The following XIRP2 variants were observed in gnomAD, a reference collection of about 807,000 sequenced individuals.
The protein encoded by XIRP2 is xin actin-binding repeat-containing protein 2.
A neutral mutation model predicts 277.0 loss-of-function variants in XIRP2; 236 were observed. The ratio of observed to expected loss-of-function variants is 0.85; its 90% confidence interval spans 0.77 to 0.95. The LOEUF (loss-of-function observed/expected upper bound fraction) is 0.95. Among genes scored for constraint, XIRP2 ranks in the 40% least tolerant of loss-of-function variants. The pLI is 0.00. For missense variants in XIRP2, 4,640 were observed against 4,157.5 expected, an observed-to-expected ratio of 1.12 and a Z score of -3.19; for synonymous variants, 1,490 against 1,416.5, an observed-to-expected ratio of 1.05 and a Z score of -1.17.
At chr2:167,205,114 G>T (rs1693819326) in intron 3 of XIRP2, among the ~76,000 whole-genome samples, 1 of 151,986 alleles carries the variant, frequency 6.6e-6, no homozygotes, top group Non-Finnish European at 1.5e-5. Context: ...CTATTTTCAG[G>T]ATGCCTTTCC....
chr2:166,910,891 G>C (rs186130826), intron 2 of XIRP2, among the ~76,000 whole-genome samples: 1 of 151,958 alleles, frequency 6.6e-6, no homozygotes, highest in East Asian at 1.9e-4. Context: ...ATTCAGGAGC[G>C]GGTTGTTCAG....
chr2:166,909,308 G>C (rs1261067789), intron 2 of XIRP2, among the ~76,000 whole-genome samples: 1 of 152,148 alleles, frequency 6.6e-6, no homozygotes, highest in Non-Finnish European at 1.5e-5. Flanking sequence ...GTGATTTGTA[G>C]TTCTCCTTGA....
chr2:167,044,483 G>T (rs1036508706), intron 2 of XIRP2, among the ~76,000 whole-genome samples: 3 of 152,020 alleles, frequency 2.0e-5, no homozygotes, highest in African/African-American at 4.8e-5. Context: ...CAGTCAAACT[G>T]TCTCTCATCA....
chr2:167,242,976 A>G lies in XIRP2; in HGVS notation c.1584A>G (p.Gln528=). The part of the protein sequence containing the change: ...ISEVSEIVSS[Q]MNSGSSVSAD... ...AAGTTTCTGAGATTGTTTCTAGTCA[A>G]ATGAACTCAGGGAGTTCAGTCTCAG... The change falls in exon 9 of 11, where the codon CAA becomes CAG. Residue 528 remains glutamine, a synonymous_variant. Coordinates refer to ENST00000409195, the MANE Select transcript of XIRP2 (RefSeq NM_152381.6). The G allele has an allele frequency of 6.2e-7, 1 of 1,614,006 alleles. No homozygotes were observed. The highest frequency in any genetic ancestry group is 1.7e-5 in the Admixed American group (1 of 59,998).
chr2:167,129,610 C>A (rs1445180289), intron 2 of XIRP2, among the ~76,000 whole-genome samples: 1 of 151,952 alleles, frequency 6.6e-6, no homozygotes, highest in Non-Finnish European at 1.5e-5. Flanking sequence ...GAAAAATTAT[C>A]CTGTAATCCC....
intron 2 of XIRP2, among the ~76,000 whole-genome samples, chr2:167,092,441 C>A (rs912542808): frequency 6.6e-6 from 1 of 152,106 alleles, no homozygotes; most frequent in Admixed American, 6.6e-5. Context: ...AATAGCAACA[C>A]TGCAAACAAA....
At chr2:166,914,852 G>T (rs1348221631) in intron 2 of XIRP2, among the ~76,000 whole-genome samples, 1 of 152,028 alleles carries the variant, frequency 6.6e-6, no homozygotes, top group Non-Finnish European at 1.5e-5. Context: ...GTAGTTAGTA[G>T]TATGAATGCA....
At chr2:167,219,454 G>C (rs1487351428) in intron 5 of XIRP2, among the ~76,000 whole-genome samples, 1 of 152,136 alleles carries the variant, frequency 6.6e-6, no homozygotes, top group East Asian at 1.9e-4. Flanking sequence ...TATCAGTAAT[G>C]AATTTATAGA....
At chr2:167,013,438 G>GA in intron 2 of XIRP2, among the ~76,000 whole-genome samples, 1 of 151,380 alleles carries the variant, frequency 6.6e-6, no homozygotes, top group African/African-American at 2.4e-5. Context: ...TGCAGATTCT[G>GA]ACTCATTAGT....
chr2:167,003,197 C>A (rs992951851), intron 2 of XIRP2, among the ~76,000 whole-genome samples: 2 of 151,044 alleles, frequency 1.3e-5, no homozygotes, highest in African/African-American at 4.9e-5. Flanking sequence ...TTATTTGGCC[C>A]ACAAACACTT....
chr2:167,155,027 C>T (rs1409066386), intron 3 of XIRP2, among the ~76,000 whole-genome samples: 9 of 151,620 alleles, frequency 5.9e-5, no homozygotes, highest in South Asian at 2.1e-4. Flanking sequence ...ACACATACAC[C>T]CTCCCAAGAC....
rs555601830 is a variant in XIRP2, at chr2:167,153,699, A to C, written c.562+17637A>C. ...TTGCGATAGTTTACTGAGAATGATGATTTCCAATTTCATCCATGTCCCTAA... is the reference window on the plus strand; with the variant it reads ...TTGCGATAGTTTACTGAGAATGATGCTTTCCAATTTCATCCATGTCCCTAA... On this transcript the variant is annotated intron_variant, in intron 3 of 10. Transcript: ENST00000409195. Among the ~76,000 whole-genome samples the C allele has an allele frequency of 7.9e-5, 12 of 151,830 alleles. No homozygotes were observed. In the South Asian group the frequency reaches 2.5e-3, roughly 32 times the overall value.
At chr2:166,891,500 AG>A (rs1205292400) in intron 1 of XIRP2, among the ~76,000 whole-genome samples, 4 of 152,176 alleles carry the variant, frequency 2.6e-5, no homozygotes, top group African/African-American at 9.6e-5. Flanking sequence ...GCTTTAGTTA[AG>A]TTTTTTCCTT....
chr2:167,191,890 TTAA>T (rs1415806589), intron 3 of XIRP2, among the ~76,000 whole-genome samples: 7 of 152,224 alleles, frequency 4.6e-5, no homozygotes, highest in African/African-American at 1.7e-4. Context: ...TACGTATCAC[TTAA>T]AATAAATGTA....
chr2:167,027,295 T>C (rs1688193171), intron 2 of XIRP2, among the ~76,000 whole-genome samples: 1 of 152,162 alleles, frequency 6.6e-6, no homozygotes, highest in Non-Finnish European at 1.5e-5. Context: ...GTTTATCACA[T>C]CAGCTCCTGA....
intron 2 of XIRP2, among the ~76,000 whole-genome samples, chr2:167,079,247 G>A (rs1307076435): frequency 2.0e-5 from 3 of 152,170 alleles, no homozygotes; most frequent in Admixed American, 6.5e-5. Flanking sequence ...ATGTGCTGCT[G>A]GATTTGGTTT....
intron 4 of XIRP2, among the ~76,000 whole-genome samples, chr2:167,213,084 T>C (rs942704084): frequency 3.9e-5 from 6 of 152,298 alleles, no homozygotes; most frequent in Non-Finnish European, 7.3e-5. Context: ...CAATATATTT[T>C]CCTTGTCTCA....
intron 3 of XIRP2, among the ~76,000 whole-genome samples, chr2:167,160,618 T>A (rs1436698665): frequency 2.6e-5 from 4 of 152,182 alleles, no homozygotes; most frequent in Non-Finnish European, 5.9e-5. Flanking sequence ...TTATTCACTA[T>A]CATGAGAACA....
chr2:167,117,112 G>A (rs566773675), intron 2 of XIRP2, among the ~76,000 whole-genome samples: 1 of 152,208 alleles, frequency 6.6e-6, no homozygotes, highest in South Asian at 2.1e-4. Context: ...ATAGTAAGAG[G>A]CATAAAATTT....
Sources: gnomAD v4.1 joint callset for allele counts (sites outside exome capture counted in the v4.1 genomes callset) on GRCh38, gnomAD v4.1.1 for gene constraint, MANE v1.5 for transcripts, NCBI Gene and HGNC (gene_info 2026-07-23, HGNC 2026-07-21) for gene names.